Variants in ZNF235 observed in about 807,000 individuals in gnomAD.
ZNF235 encodes zinc finger protein 235, also known as zfp-93.
A neutral mutation model predicts 29.4 loss-of-function variants in ZNF235; 25 were observed. That is an observed-to-expected ratio of 0.85 (90% CI 0.62 to 1.19). The LOEUF (loss-of-function observed/expected upper bound fraction) is 1.19, where lower values mean the gene tolerates loss of function less well. Ranked by LOEUF, ZNF235 falls within the 50% of genes most tolerant of loss-of-function variation. The pLI is 0.00. For missense variants in ZNF235, 788 were observed against 885.0 expected (o/e 0.89, Z 1.39); for synonymous variants, 300 against 295.3 (o/e 1.02, Z -0.16).
chr19:44,291,549 C>T (rs1397937941), intron 4 of ZNF235, among the ~76,000 whole-genome samples: 1 of 152,014 alleles, frequency 6.6e-6, no homozygotes, highest in Non-Finnish European at 1.5e-5. Flanking sequence ...AAAGAAGATA[C>T]AAATTACAAA....
rs745806915 is a variant in ZNF235 at position 44,288,274 on chromosome 19, G to A, written c.1161C>T (p.Ser387=). The A allele has an allele frequency of 2.5e-6, 4 of 1,613,854 alleles. No individual in the cohort carries two copies. The African/African-American group carries it at 4.0e-5, about 16-fold the overall frequency. ...CTCTGCAATGAATGTTAAGATCTGT[G>A]CTACGACTGAAGCCCTTCCCACAAC... The part of the protein sequence containing the change: ...CDSCGKGFSR[S]TDLNIHCRVH... Residue 387 remains serine, a synonymous_variant, in exon 5 of 5, where the codon AGC becomes AGT. Coordinates refer to ENST00000291182, the MANE Select transcript of ZNF235 (RefSeq NM_004234.4).
rs1452627395 is a variant in ZNF235 at position 44,298,899 on chromosome 19, A to C, written c.147T>G (p.His49Gln). Residue 49 changes from histidine to glutamine, a missense_variant, in exon 4 of 5, where the codon CAT (histidine) becomes CAG (glutamine). Transcript: ENST00000291182. ...ENFRNLVSVG[H>Q]QSFKPDMISQ... The stretch of plus-strand genomic sequence containing the variant: ...ATATCATATCTGGTTTGAAGGACTG[A>C]TGTCCTATAAAAAGATAGTATTTAA... 3.1e-6 allele frequency: 5 copies of C among 1,609,320 alleles called. No individual in the cohort carries two copies. Among genetic ancestry groups the C allele is most frequent in the Non-Finnish European group, 4.3e-6 (5 of 1,176,314 alleles).
At chr19:44,295,807 T>G (rs1245812958) in intron 4 of ZNF235, among the ~76,000 whole-genome samples, 2 of 152,182 alleles carry the variant, frequency 1.3e-5, no homozygotes, top group Non-Finnish European at 2.9e-5. Context: ...CCAACTGATC[T>G]TTGATAAAGT....
At position 44,303,393 on chromosome 19, in the gene ZNF235, GAAC is replaced by G. The variant is rs1568648047; in HGVS notation, c.9_11del (p.Lys3_Phe4delinsAsn). The stretch of plus-strand genomic sequence containing the variant: ...CACAAAGGCAAACCAAACTTACCTG[GAAC>G]TTGGTCATTTTTCCCCTCCTCCTTC... On this transcript the variant is annotated inframe_deletion, in exon 2 of 5. Coordinates refer to ENST00000291182, the MANE Select transcript of ZNF235 (RefSeq NM_004234.4). The G allele has an allele frequency of 6.2e-7, 1 of 1,611,424 alleles. No individual in the cohort carries two copies. Among genetic ancestry groups the G allele is most frequent in the Non-Finnish European group, 8.5e-7 (1 of 1,178,450 alleles).
intron 2 of ZNF235, among the ~76,000 whole-genome samples, chr19:44,301,620 G>A (rs1239668021): frequency 2.6e-5 from 4 of 152,054 alleles, no homozygotes; most frequent in African/African-American, 4.8e-5. Context: ...ACAGGTGTGC[G>A]CCACCACGCC....
chr19:44,295,760 A>G (rs1975645788), intron 4 of ZNF235, among the ~76,000 whole-genome samples: 1 of 152,216 alleles, frequency 6.6e-6, no homozygotes, highest in South Asian at 2.1e-4. Context: ...TCAATGGAAT[A>G]GAAAAGAGAA....
At position 44,287,095 on chromosome 19, in the gene ZNF235, T is replaced by C. The variant is rs1272445472; in HGVS notation, c.*123A>G. On this transcript the variant is annotated 3_prime_UTR_variant, in exon 5 of 5. Coordinates refer to ENST00000291182, the MANE Select transcript of ZNF235 (RefSeq NM_004234.4). ...TAAAACACAGCATTTGAGAGACTTC[T>C]TTCCTGTCAAGATTCTTTGAAGCTT... 1.9e-6 allele frequency: 2 copies of C among 1,026,814 alleles called. No individual in the cohort carries two copies. Among genetic ancestry groups the C allele is most frequent in the Non-Finnish European group, 2.8e-6 (2 of 723,928 alleles). The allele number at this position is 1,026,814 out of a possible 1,614,324, so 63.6% of individuals were successfully genotyped here. A position where few individuals can be genotyped will look rare whatever the true frequency, so the allele number is the denominator to read the frequency against.
intron 1 of ZNF235, chr19:44,304,738 G>A: frequency 2.0e-6 from 2 of 985,496 alleles, no homozygotes. Context: ...GGACTGGCTG[G>A]TAGGTGCGTG....
intron 2 of ZNF235, among the ~76,000 whole-genome samples, chr19:44,303,120 TATAC>T (rs1046844135): frequency 3.5e-5 from 5 of 143,342 alleles, no homozygotes; most frequent in African/African-American, 1.0e-4. Context: ...CTTATAAATA[TATAC>T]ATATATATTT....
At chr19:44,297,809 A>C (rs964973218) in intron 4 of ZNF235, among the ~76,000 whole-genome samples, 5 of 152,184 alleles carry the variant, frequency 3.3e-5, no homozygotes, top group Admixed American at 6.5e-5. Flanking sequence ...ATTTCTGAGC[A>C]GAAGCATGAA....
intron 2 of ZNF235, among the ~76,000 whole-genome samples, chr19:44,302,249 T>C (rs757426397): frequency 9.9e-5 from 15 of 152,102 alleles, no homozygotes; most frequent in Non-Finnish European, 2.1e-4. Context: ...AGAAGTTACA[T>C]GGGGAAAAAC....
At position 44,288,316 on chromosome 19, in the gene ZNF235, C is replaced by T. The variant is rs1471377020; in HGVS notation, c.1119G>A (p.Lys373=). The change falls in exon 5 of 5, where the codon AAG becomes AAA. Residue 373 remains lysine (K), a synonymous_variant. Coordinates refer to ENST00000291182, the MANE Select transcript of ZNF235 (RefSeq NM_004234.4). ...YAHLPIHTGE[K]PYRCDSCGKG... is the part of the protein sequence containing the mutation. ...TCCCACAACTGTCACATCTATAGGG[C>T]TTCTCTCCTGTGTGAATAGGCAAAT... 4 of 1,613,716 alleles carry T rather than the reference C, an allele frequency of 2.5e-6. No individual in the cohort carries two copies. Among genetic ancestry groups the T allele is most frequent in the Non-Finnish European group, 3.4e-6 (4 of 1,179,964 alleles).
chr19:44,298,230 G>A (rs1975682340), intron 4 of ZNF235, among the ~76,000 whole-genome samples: 1 of 152,158 alleles, frequency 6.6e-6, no homozygotes, highest in Admixed American at 6.5e-5. Context: ...ACAAGTGAGG[G>A]TGGCAGAGAC....
At chr19:44,294,135 C>A (rs949351127) in intron 4 of ZNF235, among the ~76,000 whole-genome samples, 3 of 151,876 alleles carry the variant, frequency 2.0e-5, no homozygotes, top group Non-Finnish European at 4.4e-5. Flanking sequence ...GTTTTTATCT[C>A]TGAAAAGATA....
intron 4 of ZNF235, among the ~76,000 whole-genome samples, chr19:44,298,507 C>T (rs543382539): frequency 6.6e-6 from 1 of 152,070 alleles, no homozygotes; most frequent in Admixed American, 6.5e-5. Flanking sequence ...GCAATCCCCC[C>T]ATCTCAGCCT....
intron 1 of ZNF235, among the ~76,000 whole-genome samples, chr19:44,304,201 T>A (rs1306295255): frequency 6.6e-6 from 1 of 152,194 alleles, no homozygotes; most frequent in Non-Finnish European, 1.5e-5. Context: ...AAGCAATGAC[T>A]AATAAAAACC....
rs574838179 is a variant in ZNF235, at chr19:44,302,789, T to C, written c.15+601A>G. 1.4e-3 allele frequency among the ~76,000 whole-genome samples: 206 copies of C among 145,516 alleles called. 2 individuals carry two copies. Among genetic ancestry groups the C allele is most frequent in the African/African-American group, 5.1e-3 (204 of 40,068 alleles). ...TTACATATATATATATATATAAAAC[T>C]ATATACTTATATATGAGTATATATA... On this transcript the variant is annotated intron_variant, in intron 2 of 4. Transcript: ENST00000291182.
chr19:44,287,624 C>T lies in ZNF235; in HGVS notation c.1811G>A (p.Cys604Tyr), dbSNP rs1173344100. ...TGEKPFKCDA[C>Y]QKRFSQASHL... ...TGAGGCCTGACTGAATCGCTTCTGA[C>T]ATGCATCACACTTGAATGGTTTTTC... The change falls in exon 5 of 5, where the codon TGT (cysteine) becomes TAT (tyrosine). Residue 604 changes from cysteine to tyrosine, a missense_variant. Transcript: ENST00000291182. 6.2e-7 allele frequency: 1 copy of T among 1,613,978 alleles called. No individual in the cohort carries two copies.
chr19:44,288,744 T>G lies in ZNF235; in HGVS notation c.691A>C (p.Lys231Gln), dbSNP rs1446747954. ...CTATTGCTATGAACTTTATCTCTTTTGTGCACTATATTATCATCATGGTGG... is the reference window on the plus strand; with the variant it reads ...CTATTGCTATGAACTTTATCTCTTTGGTGCACTATATTATCATCATGGTGG... ...SHHHDDNIVH[K>Q]RDKVHSNSDC... The change falls in exon 5 of 5, where the codon AAA becomes CAA. Residue 231 changes from lysine to glutamine, a missense_variant. Transcript: ENST00000291182. 15 of 1,613,968 alleles carry G rather than the reference T, an allele frequency of 9.3e-6. No individual in the cohort carries two copies. Among genetic ancestry groups the G allele is most frequent in the African/African-American group, 1.3e-5 (1 of 74,940 alleles).
Sources: allele counts gnomAD v4.1 joint callset (sites outside exome capture counted in the v4.1 genomes callset), GRCh38; gene constraint gnomAD v4.1.1; transcripts MANE v1.5; gene names NCBI Gene and HGNC (gene_info 2026-07-23, HGNC 2026-07-21).